Variants in CREB3L2 observed in about 807,000 individuals in gnomAD.
CREB3L2 encodes cyclic AMP-responsive element-binding protein 3-like protein 2.
In CREB3L2, 23 loss-of-function variants were observed where a neutral mutation model predicts 57.2. That is an observed-to-expected ratio of 0.40 (90% CI 0.29 to 0.57). CREB3L2 has a LOEUF of 0.57. CREB3L2 is among the 20% of genes least tolerant of loss of function. The pLI is 0.42. For synonymous variants in CREB3L2, 268 were observed against 265.1 expected, an observed-to-expected ratio of 1.01 and a Z score of -0.11; for missense variants, 628 against 634.7, an observed-to-expected ratio of 0.99 and a Z score of 0.11.
intron 1 of CREB3L2, among the ~76,000 whole-genome samples, chr7:137,939,555 A>C (rs957509290): frequency 6.6e-6 from 1 of 152,196 alleles, no homozygotes; most frequent in Admixed American, 6.5e-5. Flanking sequence ...CAAGAAACTC[A>C]AACCATCCCC....
intron 10 of CREB3L2, among the ~76,000 whole-genome samples, chr7:137,883,960 A>C (rs996674381): frequency 1.3e-5 from 2 of 151,768 alleles, no homozygotes; most frequent in Admixed American, 1.3e-4. Context: ...CGGAGTCCCC[A>C]TATTCTCTAG....
At chr7:137,903,449 T>G (rs1392510486) in intron 7 of CREB3L2, among the ~76,000 whole-genome samples, 1 of 152,090 alleles carries the variant, frequency 6.6e-6, no homozygotes, top group East Asian at 1.9e-4. Context: ...TATTACAGAC[T>G]TTTCAAAAGA....
At chr7:137,897,874 T>G (rs1338204013) in intron 8 of CREB3L2, among the ~76,000 whole-genome samples, 17 of 152,214 alleles carry the variant, frequency 1.1e-4, no homozygotes. Context: ...ATATTATGTA[T>G]GCATCTTCCT....
chr7:137,954,669 T>C lies in CREB3L2; in HGVS notation c.103-26303A>G, dbSNP rs745901584. 5.2e-4 allele frequency among the ~76,000 whole-genome samples: 79 copies of C among 152,110 alleles called. 1 individual carries two copies. The highest frequency in any genetic ancestry group is 7.9e-4 in the Non-Finnish European group (54 of 68,026). On this transcript the variant is annotated intron_variant, in intron 1 of 11. Transcript: ENST00000330387. ...GTCCACCACATGTAAAGTTTATCTGTAACAGCAGCCTAAAGAGTTTGGAAT... is the reference window on the plus strand; with the variant it reads ...GTCCACCACATGTAAAGTTTATCTGCAACAGCAGCCTAAAGAGTTTGGAAT...
chr7:137,928,675 G>A (rs911377586), intron 1 of CREB3L2, among the ~76,000 whole-genome samples: 1 of 152,174 alleles, frequency 6.6e-6, no homozygotes, highest in Non-Finnish European at 1.5e-5. Flanking sequence ...GGGACCCCTG[G>A]ACACTTGGGC....
chr7:137,966,541 A>G (rs74737990), intron 1 of CREB3L2, among the ~76,000 whole-genome samples: 2,060 of 152,326 alleles, frequency 0.014, 51 homozygotes, highest in African/African-American at 0.047. Flanking sequence ...TCTTTTGGAT[A>G]AAAGAAGAAG....
chr7:137,911,908 G>T (rs965057554), intron 4 of CREB3L2, among the ~76,000 whole-genome samples: 1 of 152,192 alleles, frequency 6.6e-6, no homozygotes, highest in Non-Finnish European at 1.5e-5. Context: ...AGGCACAGAA[G>T]TGAGAAGAGC....
At chr7:137,928,429 G>A (rs915012148) in intron 1 of CREB3L2, 63 bp from the exon 2 acceptor site, 10 of 1,284,310 alleles carry the variant, frequency 7.8e-6, no homozygotes, top group Admixed American at 1.8e-5. Context: ...GATACCCTAC[G>A]CACATACCAA....
At chr7:137,891,873 C>T (rs1490028604) in intron 8 of CREB3L2, among the ~76,000 whole-genome samples, 1 of 152,182 alleles carries the variant, frequency 6.6e-6, no homozygotes, top group African/African-American at 2.4e-5. Context: ...GCCACCACAC[C>T]CAGCCACACA....
At chr7:137,929,389 T>C (rs1800557288) in intron 1 of CREB3L2, among the ~76,000 whole-genome samples, 1 of 152,044 alleles carries the variant, frequency 6.6e-6, no homozygotes, top group Non-Finnish European at 1.5e-5. Flanking sequence ...GGGTGGGGCA[T>C]TGTTTTGTGC....
At chr7:137,968,833 T>C (rs1383896511) in intron 1 of CREB3L2, among the ~76,000 whole-genome samples, 1 of 152,142 alleles carries the variant, frequency 6.6e-6, no homozygotes, top group Non-Finnish European at 1.5e-5. Context: ...TTCAACCCCA[T>C]TGATTTACAA....
At chr7:137,941,221 A>G (rs17190292) in intron 1 of CREB3L2, among the ~76,000 whole-genome samples, 13,835 of 152,324 alleles carry the variant, frequency 0.091, 923 homozygotes, top group Admixed American at 0.22. Flanking sequence ...CTAGAAAATG[A>G]GAAATCCAAT....
chr7:137,965,104 C>A (rs1384166323), intron 1 of CREB3L2, among the ~76,000 whole-genome samples: 1 of 152,100 alleles, frequency 6.6e-6, no homozygotes, highest in East Asian at 1.9e-4. Context: ...CAGAGATTGT[C>A]CAACCGGGGA....
intron 1 of CREB3L2, among the ~76,000 whole-genome samples, chr7:137,932,908 G>A (rs977466551): frequency 6.6e-6 from 1 of 152,122 alleles, no homozygotes; most frequent in African/African-American, 2.4e-5. Context: ...AATTACCTGG[G>A]GCTCCTAAGC....
intron 2 of CREB3L2, among the ~76,000 whole-genome samples, chr7:137,916,349 T>G (rs1397799525): frequency 6.6e-6 from 1 of 152,214 alleles, no homozygotes; most frequent in East Asian, 1.9e-4. Flanking sequence ...AATGAGCTAC[T>G]CTTTTTGGTT....
chr7:137,884,510 A>T (rs1799368731), intron 10 of CREB3L2: 1 of 191,372 alleles, frequency 5.2e-6, no homozygotes, highest in South Asian at 1.1e-4. Flanking sequence ...GGCCTCCCAA[A>T]GTGCTGGGGT....
intron 1 of CREB3L2, among the ~76,000 whole-genome samples, chr7:137,960,319 A>G (rs992904209): frequency 1.3e-5 from 2 of 151,698 alleles, no homozygotes; most frequent in Non-Finnish European, 1.5e-5. Context: ...AGTTCGTAAC[A>G]TAGACTTTCC....
At chr7:137,909,991 C>T (rs897294308) in intron 4 of CREB3L2, among the ~76,000 whole-genome samples, 2 of 152,182 alleles carry the variant, frequency 1.3e-5, no homozygotes, top group Admixed American at 6.5e-5. Flanking sequence ...TCGCTTTCCA[C>T]CATGATTGTG....
intron 2 of CREB3L2, among the ~76,000 whole-genome samples, chr7:137,918,533 T>G (rs900531355): frequency 6.6e-6 from 1 of 151,952 alleles, no homozygotes. Context: ...CTGAGTAATA[T>G]TTATCCCTGG....
Sources: allele counts gnomAD v4.1 joint callset (sites outside exome capture counted in the v4.1 genomes callset), GRCh38; gene constraint gnomAD v4.1.1; transcripts MANE v1.5; gene names NCBI Gene and HGNC (gene_info 2026-07-23, HGNC 2026-07-21).